OXNAD1: variants seen among roughly 807,000 people sequenced by gnomAD.
OXNAD1 encodes the protein oxidoreductase NAD binding domain containing 1, also known as oxidoreductase NAD-binding domain-containing protein 1.
Under a neutral mutation model 32.9 loss-of-function variants are expected in OXNAD1, and 34 were observed. The observed-to-expected ratio is 1.03, with a 90% CI of 0.79 to 1.38. OXNAD1 has a LOEUF of 1.38. Among genes scored for constraint, OXNAD1 ranks in the 40% most tolerant of loss-of-function variants. The pLI is 0.00. For missense variants in OXNAD1, 407 were observed against 379.4 expected, an observed-to-expected ratio of 1.07 and a Z score of -0.60; for synonymous variants, 134 against 135.2, an observed-to-expected ratio of 0.99 and a Z score of 0.06.
rs773063964 is a variant in OXNAD1 at position 16,312,488 on chromosome 3, G to A, written c.*30+8896G>A. Among the ~76,000 whole-genome samples, 8 of 152,326 alleles carry A rather than the reference G, an allele frequency of 5.3e-5. No homozygotes were observed. In the East Asian group the frequency reaches 5.8e-4, roughly 11 times the overall value. On this transcript the variant is annotated intron_variant, in intron 9 of 9. Transcript: ENST00000435829. This position sits in a 1 kb window ranked among gnomAD's most constrained non-coding sequence, Gnocchi z 4.7. ...CACACCAGTCATCCTCACCCTTCCC[G>A]TCTTGCCAGTCCTTTCAGGACTTGA...
chr3:16,341,587 G>A (rs954235179), downstream of OXNAD1, among the ~76,000 whole-genome samples: 5 of 152,212 alleles, frequency 3.3e-5, no homozygotes, highest in South Asian at 1.0e-3. The surrounding 1 kb of genome is among the most constrained non-coding windows in gnomAD (Gnocchi z 4.7). Flanking sequence ...GTTCAGTTTT[G>A]CTATGAACCT....
downstream of OXNAD1, among the ~76,000 whole-genome samples, chr3:16,342,170 A>G (rs2071359441): frequency 6.6e-6 from 1 of 151,892 alleles, no homozygotes; most frequent in South Asian, 2.1e-4. This position sits in a 1 kb window ranked among gnomAD's most constrained non-coding sequence, Gnocchi z 4.0. Context: ...CCCCACACCA[A>G]TACCCTGTAC....
At chr3:16,315,184 C>T (rs1191903074) in intron 9 of OXNAD1, among the ~76,000 whole-genome samples, 14 of 152,278 alleles carry the variant, frequency 9.2e-5, no homozygotes, top group Admixed American at 6.5e-5. Context: ...GGTGCAGTCT[C>T]GGCTCACTGC....
intron 4 of OXNAD1, chr3:16,275,020 C>T (rs1246382567): frequency 6.6e-6 from 1 of 152,472 alleles, no homozygotes; most frequent in East Asian, 1.9e-4. Context: ...CTGGAGAAAG[C>T]TTATAAAACA....
At chr3:16,351,349 C>T (rs1575095910), downstream of OXNAD1, among the ~76,000 whole-genome samples, 1 of 152,154 alleles carries the variant, frequency 6.6e-6, no homozygotes, top group Non-Finnish European at 1.5e-5. The surrounding 1 kb of genome is among the most constrained non-coding windows in gnomAD (Gnocchi z 5.4). Flanking sequence ...GCTGGAAGAT[C>T]CCCAGAATGA....
chr3:16,332,344 CTT>C (rs201309998), intron 9 of OXNAD1, among the ~76,000 whole-genome samples: 7 of 87,452 alleles, frequency 8.0e-5, no homozygotes, highest in African/African-American at 1.4e-4. Context: ...TGTCTTCCAA[CTT>C]TTATGTTTTT....
Position 16,288,660 on chromosome 3 carries a change from C to G in OXNAD1, c.290+2212C>G, listed in dbSNP as rs1277479273. Among the ~76,000 whole-genome samples the G allele has an allele frequency of 6.6e-6, 1 of 152,130 alleles. No homozygotes were observed. The highest frequency in any genetic ancestry group is 1.5e-5 in the Non-Finnish European group (1 of 68,026). ...TCCAAGAACTGTAGCAATCCAATCCCGAGAGAAAGGCCAAAGGCAGAACCA... is the reference window on the plus strand; with the variant it reads ...TCCAAGAACTGTAGCAATCCAATCCGGAGAGAAAGGCCAAAGGCAGAACCA... On this transcript the variant is annotated intron_variant, in intron 5 of 8. Coordinates refer to ENST00000285083, the MANE Select transcript of OXNAD1 (RefSeq NM_138381.5). This position sits in a 1 kb window ranked among gnomAD's most constrained non-coding sequence, Gnocchi z 5.1.
intron 9 of OXNAD1, among the ~76,000 whole-genome samples, chr3:16,330,656 A>G (rs1303866080): frequency 6.6e-6 from 1 of 152,234 alleles, no homozygotes; most frequent in Non-Finnish European, 1.5e-5. Context: ...AAAATGGAGC[A>G]TGTCCTGTGG....
At chr3:16,311,011 A>AAAAAAAAAAAAAAAG (rs1472119686), downstream of OXNAD1, among the ~76,000 whole-genome samples, 1 of 136,178 alleles carries the variant, frequency 7.3e-6, no homozygotes, top group African/African-American at 3.1e-5. Context: ...AAAAAAAAAA[A>AAAAAAAAAAAAAAAG]AAATCATCTG....
Position 16,329,942 on chromosome 3 carries a change from C to T in OXNAD1, c.*31-7170C>T, listed in dbSNP as rs1219564853. 6.6e-6 allele frequency among the ~76,000 whole-genome samples: 1 copy of T among 152,164 alleles called. No homozygotes were observed. Among genetic ancestry groups the T allele is most frequent in the African/African-American group, 2.4e-5 (1 of 41,434 alleles). ...GCTGCGAGACAATGAACGACCCCTG[C>T]TGCAGCCCGACCCGCCTGCTTAGAC... On this transcript the variant is annotated intron_variant, in intron 9 of 9. Transcript: ENST00000435829. The surrounding 1 kb of genome is among the most constrained non-coding windows in gnomAD (Gnocchi z 4.5).
rs889224344 is a variant in OXNAD1, at chr3:16,320,503, A to C, written c.*31-16609A>C. Among the ~76,000 whole-genome samples the C allele has an allele frequency of 6.6e-6, 1 of 152,234 alleles. No individual in the cohort carries two copies. The highest frequency in any genetic ancestry group is 2.4e-5 in the African/African-American group (1 of 41,462). ...AATCTGGGTACACAACACAGGAAAA[A>C]GGTCTTTGCTCTTGTGGAGACTATG... On this transcript the variant is annotated intron_variant, in intron 9 of 9. Coordinates refer to the OXNAD1 transcript ENST00000435829. The surrounding 1 kb of genome is among the most constrained non-coding windows in gnomAD (Gnocchi z 4.5).
Position 16,345,817 on chromosome 3 carries a change from TGCGCGCGC to T in OXNAD1, c.*31-3355_*31-3348del, listed in dbSNP as rs1553726165. On this transcript the variant is annotated intron_variant, in intron 9 of 9. Coordinates refer to the OXNAD1 transcript ENST00000606098. The surrounding 1 kb of genome is among the most constrained non-coding windows in gnomAD (Gnocchi z 5.2). ...GTGTGTGTGTGTGTGTGTGTGTGTG[TGCGCGCGC>T]GCGTGCGCGCACGCGCACATGTGCA... Among the ~76,000 whole-genome samples the T allele has an allele frequency of 0.017, 1,261 of 74,512 alleles. 13 individuals are homozygous for T. Among genetic ancestry groups the T allele is most frequent in the African/African-American group, 0.055 (993 of 18,104 alleles). 48.9% of individuals were successfully genotyped at this position (74,512 alleles called of 152,430 possible). A position where few individuals can be genotyped will look rare whatever the true frequency, so the allele number is the denominator to read the frequency against.
In OXNAD1 at chr3:16,304,890, T is replaced by C. The variant is rs1354535031; in HGVS notation, c.*1328T>C. The C allele has an allele frequency of 6.6e-6, 1 of 152,264 alleles. No individual in the cohort carries two copies. Among genetic ancestry groups the C allele is most frequent in the Non-Finnish European group, 1.5e-5 (1 of 68,056 alleles). 9.4% of individuals were successfully genotyped at this position (152,264 alleles called of 1,614,324 possible). A position where few individuals can be genotyped will look rare whatever the true frequency, so the allele number is the denominator to read the frequency against. The stretch of plus-strand genomic sequence containing the variant: ...ATGGGACCTGAAGGTGACTCTAGCT[T>C]CTGCCCAGTTTTGAGTTTTGTCAAG... On this transcript the variant is annotated 3_prime_UTR_variant, in exon 9 of 9. Transcript: ENST00000285083. This position sits in a 1 kb window ranked among gnomAD's most constrained non-coding sequence, Gnocchi z 4.6.
In OXNAD1 at chr3:16,327,998, C is replaced by T. The variant is rs1192727060; in HGVS notation, c.*31-9114C>T. 6.6e-6 allele frequency among the ~76,000 whole-genome samples: 1 copy of T among 152,246 alleles called. No individual in the cohort carries two copies. Among genetic ancestry groups the T allele is most frequent in the Non-Finnish European group, 1.5e-5 (1 of 68,042 alleles). ...TCTTGTAGTTGGCTTCCGAAAATCT[C>T]AAACATGTATCCAGATTCCTTCCAC... is the stretch of plus-strand genomic sequence containing the variant. On this transcript the variant is annotated intron_variant, in intron 9 of 9. Coordinates refer to the OXNAD1 transcript ENST00000435829. This position sits in a 1 kb window ranked among gnomAD's most constrained non-coding sequence, Gnocchi z 4.2.
In OXNAD1 at chr3:16,329,623, C is replaced by T. The variant is rs930579253; in HGVS notation, c.*31-7489C>T. On this transcript the variant is annotated intron_variant, in intron 9 of 9. Transcript: ENST00000435829. The surrounding 1 kb of genome is among the most constrained non-coding windows in gnomAD (Gnocchi z 4.5). ...ACGCTCACCACCTGCTGAAGGAGTC[C>T]TGAGGCTGCTTTATCCTGAGAATCC... Among the ~76,000 whole-genome samples, 2 of 152,160 alleles carry T rather than the reference C, an allele frequency of 1.3e-5. No homozygotes were observed. Among genetic ancestry groups the T allele is most frequent in the African/African-American group, 4.8e-5 (2 of 41,444 alleles).
intron 9 of OXNAD1, chr3:16,315,942 T>C (rs559250923): frequency 6.6e-6 from 1 of 152,348 alleles, no homozygotes; most frequent in East Asian, 1.9e-4. Context: ...GCATTCCCTC[T>C]CCAAGGTTCG....
rs899960286 is a variant in OXNAD1 at position 16,329,034 on chromosome 3, A to G, written c.*31-8078A>G. Among the ~76,000 whole-genome samples, 6 of 152,334 alleles carry G rather than the reference A, an allele frequency of 3.9e-5. No homozygotes were observed. Among genetic ancestry groups the G allele is most frequent in the East Asian group, 3.9e-4 (2 of 5,182 alleles). The stretch of plus-strand genomic sequence containing the variant: ...TGTTGAAAACTTAATCCCCAATGCA[A>G]TGACATTGAATGGTGAGGCCTGGTG... On this transcript the variant is annotated intron_variant, in intron 9 of 9. Coordinates refer to the OXNAD1 transcript ENST00000435829. The surrounding 1 kb of genome is among the most constrained non-coding windows in gnomAD (Gnocchi z 4.5).
At chr3:16,309,829 T>C (rs915619146), downstream of OXNAD1, among the ~76,000 whole-genome samples, 1 of 152,224 alleles carries the variant, frequency 6.6e-6, no homozygotes, top group Admixed American at 6.5e-5. Context: ...CAATTTAAAA[T>C]TGCTTTCAGC....
In OXNAD1 at chr3:16,344,226, T is replaced by TC. The variant is rs1355773897; in HGVS notation, c.*31-4950_*31-4949insC. On this transcript the variant is annotated intron_variant, in intron 9 of 9. Coordinates refer to the OXNAD1 transcript ENST00000606098. This position sits in a 1 kb window ranked among gnomAD's most constrained non-coding sequence, Gnocchi z 4.4. Reference sequence around the variant, plus strand: ...CCTATTACATTTTATTGGGCTGGTTTTTGTCCAACATTCATATACTAAGAA... The same window carrying TC: ...CCTATTACATTTTATTGGGCTGGTTTCTTGTCCAACATTCATATACTAAGAA... Among the ~76,000 whole-genome samples the TC allele has an allele frequency of 1.3e-5, 2 of 152,212 alleles. No homozygotes were observed. The highest frequency in any genetic ancestry group is 1.3e-4 in the Admixed American group (2 of 15,286).
Sources: gnomAD v4.1 joint callset for allele counts (sites outside exome capture counted in the v4.1 genomes callset) on GRCh38, gnomAD v4.1.1 for gene constraint, Gnocchi (gnomAD v3.1) non-coding constraint, MANE v1.5 for transcripts, NCBI Gene and HGNC (gene_info 2026-07-23, HGNC 2026-07-21) for gene names.